The following VEZT variants were observed in gnomAD, a reference collection of about 807,000 sequenced individuals.
VEZT encodes the protein vezatin.
In VEZT, 39 loss-of-function variants were observed where a neutral mutation model predicts 79.9. The observed-to-expected ratio is 0.49, with a 90% confidence interval of 0.38 to 0.64. The LOEUF (loss-of-function observed/expected upper bound fraction) is 0.64, where lower values mean the gene tolerates loss of function less well. Ranked by LOEUF, VEZT falls within the 30% of genes least tolerant of loss-of-function variation. The pLI, the probability that VEZT is intolerant of heterozygous loss-of-function variation, is 0.00. For missense variants in VEZT, 837 were observed against 893.1 expected, an observed-to-expected ratio of 0.94 and a Z score of 0.80; for synonymous variants, 325 against 327.6, an observed-to-expected ratio of 0.99 and a Z score of 0.09.
At chr12:95,252,098 G>T in intron 2 of VEZT, 27 bp downstream of exon 2, 1 of 1,592,036 alleles carries the variant, frequency 6.3e-7, no homozygotes, top group South Asian at 1.2e-5. Context: ...ATTCTTTCTG[G>T]CCGAATCTTT....
chr12:95,294,152 G>A (rs964006191), intron 9 of VEZT, 120 bp from the exon 10 acceptor site: 13 of 718,106 alleles, frequency 1.8e-5, no homozygotes, highest in Middle Eastern at 2.4e-4. Flanking sequence ...CTCCCGAAGT[G>A]CTGGGATTAC....
At chr12:95,300,086 TGA>T (rs1042998659) in intron 11 of VEZT, 77 bp from the exon 12 acceptor site, 1 of 765,322 alleles carries the variant, frequency 1.3e-6, no homozygotes, top group Non-Finnish European at 1.8e-6. Flanking sequence ...AGAAAAAAAC[TGA>T]GAGTTTGAAT....
At chr12:95,265,826 A>G (rs1396705955) in intron 4 of VEZT, among the ~76,000 whole-genome samples, 2 of 152,188 alleles carry the variant, frequency 1.3e-5, no homozygotes, top group Non-Finnish European at 2.9e-5. Context: ...CAAAAAGGAA[A>G]GAGAAGGAAG....
intron 4 of VEZT, chr12:95,263,821 T>C (rs1044463076): frequency 2.0e-5 from 3 of 152,198 alleles, no homozygotes; most frequent in African/African-American, 7.2e-5. Context: ...TCTGGCTGTG[T>C]TGGCTGAGAA....
At chr12:95,253,155 T>G (rs1220462767) in intron 2 of VEZT, among the ~76,000 whole-genome samples, 1 of 152,188 alleles carries the variant, frequency 6.6e-6, no homozygotes, top group Non-Finnish European at 1.5e-5. Flanking sequence ...AAAGGAATTG[T>G]AATTTAATAG....
chr12:95,248,461 G>A (rs1370831378), intron 1 of VEZT, among the ~76,000 whole-genome samples: 2 of 152,028 alleles, frequency 1.3e-5, no homozygotes, highest in Admixed American at 1.3e-4. Flanking sequence ...TTTCTCTTCT[G>A]GTTATCATTT....
At position 95,300,426 on chromosome 12, in the gene VEZT, A is replaced by G. The variant is rs773302006; in HGVS notation, c.2093A>G (p.Asp698Gly). Residue 698 changes from aspartate to glycine, a missense_variant, in exon 12 of 12, where the codon GAT (aspartate) becomes GGT (glycine). Asp to Gly is a moderately conservative substitution (Grantham distance 94). Coordinates refer to ENST00000436874, the MANE Select transcript of VEZT (RefSeq NM_017599.4). ...ATGTGTTACCAATGTGAGAGTGAAG[A>G]TGAACCACAAGCAGATGGAAGTGGT... ...ERMCYQCESEDEPQADGSGLT... is the reference protein window; with the variant it reads ...ERMCYQCESEGEPQADGSGLT... 5 of 1,613,940 alleles carry G rather than the reference A, an allele frequency of 3.1e-6. No individual in the cohort carries two copies. The South Asian group carries it at 5.5e-5, about 18-fold the overall frequency.
intron 7 of VEZT, among the ~76,000 whole-genome samples, chr12:95,281,039 A>G (rs1421970918): frequency 6.6e-6 from 1 of 152,094 alleles, no homozygotes; most frequent in African/African-American, 2.4e-5. Flanking sequence ...AATACTGTCT[A>G]TTTTCATGGT....
intron 1 of VEZT, among the ~76,000 whole-genome samples, chr12:95,227,588 G>T (rs2058680887): frequency 6.6e-6 from 1 of 152,016 alleles, no homozygotes; most frequent in Non-Finnish European, 1.5e-5. Context: ...TGATCCATCC[G>T]CCTCGGCTTC....
chr12:95,243,764 C>T (rs891147552), intron 1 of VEZT, among the ~76,000 whole-genome samples: 5 of 152,206 alleles, frequency 3.3e-5, no homozygotes, highest in African/African-American at 1.2e-4. Flanking sequence ...TCATGGATGG[C>T]TTGGTGCCAT....
chr12:95,258,418 A>T, intron 3 of VEZT: 1 of 312,726 alleles, frequency 3.2e-6, no homozygotes. Context: ...CAGCTTCTGT[A>T]TGCATCCCTT....
rs1222662386 is a variant in VEZT, at chr12:95,257,024, C to T, written c.169-126C>T. On this transcript the variant is annotated intron_variant, in intron 2 of 11. Transcript: ENST00000436874. ...TGAGATGTACTGACAAGGTATATAA[C>T]CTGGACAATTTTTTTCTTCCTTTTC... 5 of 754,104 alleles carry T rather than the reference C, an allele frequency of 6.6e-6. No homozygotes were observed. In the East Asian group the frequency reaches 1.4e-4, roughly 21 times the overall value. The allele number at this position is 754,104 out of a possible 1,614,324, so 46.7% of individuals were successfully genotyped here. A position where few individuals can be genotyped will look rare whatever the true frequency, so the allele number is the denominator to read the frequency against.
chr12:95,238,968 G>A (rs958690179), intron 1 of VEZT, among the ~76,000 whole-genome samples: 9 of 152,118 alleles, frequency 5.9e-5, no homozygotes, highest in African/African-American at 2.2e-4. Context: ...AATATGGAAA[G>A]GTCTCTAAAA....
At position 95,263,133 on chromosome 12, in the gene VEZT, C is replaced by T. The variant is rs570911894; in HGVS notation, c.434+52C>T. ...TGACTGCTTACATACAGAGTATTAG[C>T]AGAGGAAACCCATCATTGTGCTCTC... On this transcript the variant is annotated intron_variant, in intron 4 of 11. Coordinates refer to ENST00000436874, the MANE Select transcript of VEZT (RefSeq NM_017599.4). 9.9e-6 allele frequency: 14 copies of T among 1,411,710 alleles called. No homozygotes were observed. In the African/African-American group the frequency reaches 1.7e-4, roughly 17 times the overall value. 87.4% of individuals were successfully genotyped at this position (1,411,710 alleles called of 1,614,324 possible). A position where few individuals can be genotyped will look rare whatever the true frequency, so the allele number is the denominator to read the frequency against.
intron 7 of VEZT, among the ~76,000 whole-genome samples, chr12:95,281,954 G>GTA (rs1257911895): frequency 7.3e-5 from 11 of 151,724 alleles, no homozygotes; most frequent in Non-Finnish European, 1.5e-4. Flanking sequence ...ATATATATAT[G>GTA]TATATATATC....
intron 8 of VEZT, chr12:95,286,452 A>C (rs895889116): frequency 3.1e-5 from 17 of 549,316 alleles, no homozygotes; most frequent in Non-Finnish European, 5.1e-5. Context: ...TCAATTCTTC[A>C]CTGCCATCTG....
In VEZT at chr12:95,300,865, A is replaced by G. The variant is rs2075134917; in HGVS notation, c.*192A>G. The G allele has an allele frequency of 4.5e-6, 3 of 662,088 alleles. No individual in the cohort carries two copies. The East Asian group carries it at 1.1e-4, about 23-fold the overall frequency. The allele number at this position is 662,088 out of a possible 1,614,324, so 41.0% of individuals were successfully genotyped here. On this transcript the variant is annotated 3_prime_UTR_variant, in exon 12 of 12. Coordinates refer to ENST00000436874, the MANE Select transcript of VEZT (RefSeq NM_017599.4). ...TGTAAATGGCAGATCTTTTAGGAAA[A>G]TAAGAGAAAGGTAAGGGCTCTTTTG...
intron 1 of VEZT, among the ~76,000 whole-genome samples, chr12:95,225,535 C>T (rs997611416): frequency 3.3e-4 from 50 of 151,778 alleles, no homozygotes; most frequent in Admixed American, 1.3e-4. Flanking sequence ...CCAGCGTGGG[C>T]GATAGAGCAA....
chr12:95,266,236 A>G, intron 4 of VEZT, 121 bp from the exon 5 acceptor site: 7 of 1,145,412 alleles, frequency 6.1e-6, no homozygotes, highest in Admixed American at 2.4e-5. Flanking sequence ...TGCTTTACAA[A>G]GAAGCTAGCA....
Sources: allele counts gnomAD v4.1 joint callset (sites outside exome capture counted in the v4.1 genomes callset), GRCh38; gene constraint gnomAD v4.1.1; transcripts MANE v1.5; gene names NCBI Gene and HGNC (gene_info 2026-07-23, HGNC 2026-07-21).